The following WDPCP variants were observed in gnomAD, a reference collection of about 807,000 sequenced individuals.
The protein encoded by WDPCP is WD repeat-containing and planar cell polarity effector protein fritz homolog.
In WDPCP, 71 loss-of-function variants were observed where a neutral mutation model predicts 93.1. The ratio of observed to expected loss-of-function variants is 0.76; its 90% confidence interval spans 0.63 to 0.93. The LOEUF (loss-of-function observed/expected upper bound fraction) is 0.93, where lower values mean the gene tolerates loss of function less well. Ranked by LOEUF, WDPCP falls within the 40% of genes least tolerant of loss-of-function variation. WDPCP has a pLI of 0.00. For missense variants in WDPCP, 844 were observed against 887.4 expected, an observed-to-expected ratio of 0.95 and a Z score of 0.62; for synonymous variants, 315 against 315.0, an observed-to-expected ratio of 1.00 and a Z score of 0.00.
chr2:63,368,284 TAA>T (rs944714041), intron 12 of WDPCP, among the ~76,000 whole-genome samples: 1 of 149,086 alleles, frequency 6.7e-6, no homozygotes, highest in Admixed American at 6.8e-5. Context: ...TGAGTTCTAC[TAA>T]GTTTATTTTT....
At chr2:63,460,656 GTC>G (rs761329750) in intron 6 of WDPCP, among the ~76,000 whole-genome samples, 1 of 152,158 alleles carries the variant, frequency 6.6e-6, no homozygotes, top group South Asian at 2.1e-4. Flanking sequence ...AATAAAGTAA[GTC>G]TCTCTTTTTT....
chr2:63,289,811 C>G (rs146616436), intron 13 of WDPCP, among the ~76,000 whole-genome samples: 201 of 151,812 alleles, frequency 1.3e-3, no homozygotes, highest in Middle Eastern at 3.4e-3. Flanking sequence ...TTAGGATTGT[C>G]ATGTCTGCCT....
intron 17 of WDPCP, among the ~76,000 whole-genome samples, chr2:63,138,069 ATTTTTTT>A (rs34667163): frequency 3.4e-5 from 4 of 117,126 alleles, no homozygotes; most frequent in African/African-American, 1.0e-4. Flanking sequence ...GTTCCATATG[ATTTTTTT>A]TTTTTTTTTT....
At chr2:63,722,327 C>T (rs1475181835) in intron 2 of WDPCP, among the ~76,000 whole-genome samples, 2 of 150,646 alleles carry the variant, frequency 1.3e-5, no homozygotes, top group African/African-American at 2.4e-5. Context: ...AAGTGAGGAG[C>T]GTCTCTGCCC....
At chr2:63,464,558 G>A (rs1699221479) in intron 6 of WDPCP, among the ~76,000 whole-genome samples, 3 of 151,902 alleles carry the variant, frequency 2.0e-5, no homozygotes, top group Admixed American at 6.6e-5. Context: ...AATTGAAAGC[G>A]GGGTCTTGAA....
At chr2:63,602,687 T>C (rs1035190316) in intron 3 of WDPCP, among the ~76,000 whole-genome samples, 1 of 152,152 alleles carries the variant, frequency 6.6e-6, no homozygotes, top group African/African-American at 2.4e-5. Context: ...CTCTCCCTTA[T>C]GGTCACACCA....
chr2:63,619,089 A>C (rs903876345), intron 3 of WDPCP, among the ~76,000 whole-genome samples: 1 of 152,198 alleles, frequency 6.6e-6, no homozygotes, highest in Non-Finnish European at 1.5e-5. Context: ...AAACAGAACC[A>C]CTATCAGGTC....
chr2:63,385,637 G>T (rs887533400), intron 10 of WDPCP, among the ~76,000 whole-genome samples: 3 of 151,878 alleles, frequency 2.0e-5, no homozygotes, highest in Non-Finnish European at 2.9e-5. Flanking sequence ...TTGGAGAAGG[G>T]TACTACTTTT....
intron 2 of WDPCP, among the ~76,000 whole-genome samples, chr2:63,748,998 A>G (rs1255941227): frequency 6.6e-6 from 1 of 152,058 alleles, no homozygotes; most frequent in African/African-American, 2.4e-5. Context: ...TGCGCTACAA[A>G]TCTGTGTGAG....
chr2:63,835,921 C>G, the WDPCP span, among the ~76,000 whole-genome samples: 1 of 152,110 alleles, frequency 6.6e-6, no homozygotes, highest in Non-Finnish European at 1.5e-5. Context: ...GTGGCGTGAC[C>G]TCAGCTCACT....
At chr2:63,422,028 A>T (rs1180980501) in intron 9 of WDPCP, among the ~76,000 whole-genome samples, 3 of 152,204 alleles carry the variant, frequency 2.0e-5, no homozygotes, top group Non-Finnish European at 4.4e-5. Context: ...ATATGTATAA[A>T]ATCTCCAACT....
intron 3 of WDPCP, 65 bp downstream of exon 3, chr2:63,487,382 G>T: frequency 8.7e-7 from 1 of 1,155,416 alleles, no homozygotes; most frequent in Non-Finnish European, 1.3e-6. Flanking sequence ...GCTTTTAATG[G>T]TCAGTATTTC....
At chr2:63,544,804 G>A (rs1705012674) in intron 1 of WDPCP, among the ~76,000 whole-genome samples, 1 of 152,042 alleles carries the variant, frequency 6.6e-6, no homozygotes, top group South Asian at 2.1e-4. Flanking sequence ...ACAGTGTTGA[G>A]CAATAACTTT....
At chr2:63,200,675 A>G (rs1346214938) in intron 14 of WDPCP, among the ~76,000 whole-genome samples, 1 of 152,048 alleles carries the variant, frequency 6.6e-6, no homozygotes, top group Non-Finnish European at 1.5e-5. Context: ...GAGGCTGGAA[A>G]GGGTAGTGGG....
intron 2 of WDPCP, among the ~76,000 whole-genome samples, chr2:63,488,333 T>C (rs912058707): frequency 1.3e-5 from 2 of 152,100 alleles, no homozygotes; most frequent in African/African-American, 4.8e-5. Context: ...TGCTCCAGAC[T>C]TTCTCAAACT....
chr2:63,260,025 G>A (rs1157568708), intron 13 of WDPCP, among the ~76,000 whole-genome samples: 1 of 152,222 alleles, frequency 6.6e-6, no homozygotes, highest in African/African-American at 2.4e-5. Flanking sequence ...GCAGAGTGCT[G>A]TGGAGCCAAA....
chr2:63,707,764 A>G (rs975372772), intron 2 of WDPCP, among the ~76,000 whole-genome samples: 5 of 151,696 alleles, frequency 3.3e-5, no homozygotes, highest in African/African-American at 1.2e-4. Flanking sequence ...GGTTTTATCT[A>G]CCTTTGGTCT....
At chr2:63,429,489 C>T (rs997010084) in intron 9 of WDPCP, among the ~76,000 whole-genome samples, 3 of 151,902 alleles carry the variant, frequency 2.0e-5, no homozygotes, top group African/African-American at 7.2e-5. Flanking sequence ...ATAAACAAAT[C>T]AAGAAGCAAA....
chr2:63,433,564 TACTAC>T (rs1319494361), intron 9 of WDPCP, among the ~76,000 whole-genome samples, 176 bp downstream of exon 9: 5 of 152,352 alleles, frequency 3.3e-5, no homozygotes, highest in African/African-American at 1.2e-4. Flanking sequence ...GACTCTTAAT[TACTAC>T]ACTATTCTAG....
Sources: allele counts gnomAD v4.1 joint callset (sites outside exome capture counted in the v4.1 genomes callset), GRCh38; gene constraint gnomAD v4.1.1; transcripts MANE v1.5; gene names NCBI Gene and HGNC (gene_info 2026-07-23, HGNC 2026-07-21).